The following SLC13A5 variants were observed in gnomAD, a reference collection of about 807,000 sequenced individuals.
SLC13A5 encodes the protein solute carrier family 13 member 5.
In SLC13A5, 25 loss-of-function variants were observed where a neutral mutation model predicts 56.5. That is an observed-to-expected ratio of 0.44 (90% CI 0.32 to 0.62). SLC13A5 has a LOEUF of 0.62. SLC13A5 is among the 20% of genes least tolerant of loss of function. The pLI is 0.04. For missense variants in SLC13A5, 649 were observed against 737.8 expected (o/e 0.88, Z 1.39); for synonymous variants, 307 against 301.5 (o/e 1.02, Z -0.19).
At chr17:6,702,416 A>C (rs1004547714) in intron 5 of SLC13A5, among the ~76,000 whole-genome samples, 10 of 152,134 alleles carry the variant, frequency 6.6e-5, no homozygotes, top group Non-Finnish European at 1.0e-4. Flanking sequence ...GGTTCACCTG[A>C]TACCTCACAA....
Position 6,693,131 on chromosome 17 carries a change from CAGGGG to C in SLC13A5, c.1183_1187del (p.Pro395AlafsTer26). Reference sequence around the variant, plus strand: ...TCTCCTGGGTTACCTTCCAATCCAGCAGGGGAGGGGGATAAAATGGAGTTTTCCTT... The same window carrying C: ...TCTCCTGGGTTACCTTCCAATCCAGCAGGGGGATAAAATGGAGTTTTCCTT... On this transcript the variant is annotated frameshift_variant, in exon 9 of 12. Transcript: ENST00000433363. LOFTEE classifies it high-confidence loss of function. 6.2e-7 allele frequency: 1 copy of C among 1,609,260 alleles called. No individual in the cohort carries two copies. Among genetic ancestry groups the C allele is most frequent in the Non-Finnish European group, 8.5e-7 (1 of 1,178,302 alleles).
chr17:6,703,937 C>G lies in SLC13A5; in HGVS notation c.488G>C (p.Ser163Thr). 1 of 1,606,266 alleles carries G rather than the reference C, an allele frequency of 6.2e-7. No individual in the cohort carries two copies. The highest frequency in any genetic ancestry group is 8.5e-7 in the Non-Finnish European group (1 of 1,175,520). Residue 163 changes from serine to threonine, a missense_variant, in exon 4 of 12, where the codon AGC (serine) becomes ACC (threonine). Transcript: ENST00000433363. ...CTCCAGGCCGGCCTCGGTGGCTGCG[C>G]TTGTGGCTTCCATCTGCTGCAATAT... Reference protein sequence around the residue: ...EAILQQMEATSAATEAGLELV... With the variant: ...EAILQQMEATTAATEAGLELV...
Position 6,687,643 on chromosome 17 carries a change from C to T in SLC13A5, c.1461G>A (p.Pro487=), listed in dbSNP as rs374067396. The change falls in exon 11 of 12, where the codon CCG becomes CCA. Residue 487 remains proline, a synonymous_variant. Coordinates refer to ENST00000433363, the MANE Select transcript of SLC13A5 (RefSeq NM_177550.5). The surrounding 1 kb of genome is among the most constrained non-coding windows in gnomAD (Gnocchi z 5.0). The part of the protein sequence containing the change: ...ASMSRSIGLN[P]LYIMLPCTLS... ...GGGTACAGGGCAGCATGATGTACAG[C>T]GGATTGAGGCCGATGGAGCGAGACT... 8.3e-5 allele frequency: 133 copies of T among 1,606,580 alleles called. No individual in the cohort carries two copies. The highest frequency in any genetic ancestry group is 1.6e-4 in the Middle Eastern group (1 of 6,064).
chr17:6,696,423 G>T lies in SLC13A5; in HGVS notation c.840-482C>A, dbSNP rs376386645. On this transcript the variant is annotated intron_variant, in intron 6 of 11. Transcript: ENST00000433363. Reference sequence around the variant, plus strand: ...CTAGTCAGGGGCAGAATGGGTCCTTGTGTTCCCTGGAGTTGGAGGTGCAGG... The same window carrying T: ...CTAGTCAGGGGCAGAATGGGTCCTTTTGTTCCCTGGAGTTGGAGGTGCAGG... Among the ~76,000 whole-genome samples the T allele has an allele frequency of 5.3e-5, 8 of 152,286 alleles. No individual in the cohort carries two copies. In the East Asian group the frequency reaches 7.7e-4, roughly 15 times the overall value.
In SLC13A5 at chr17:6,701,216, T is replaced by G. The variant is rs1973704695; in HGVS notation, c.717-90A>C. On this transcript the variant is annotated intron_variant, in intron 5 of 11. Transcript: ENST00000433363. The surrounding 1 kb of genome is among the most constrained non-coding windows in gnomAD (Gnocchi z 4.1). ...TGGGGACGGAGCAGCAGCTGGGCCCTGAGAGGCGCGCCTGTGTGGAGGCCA... is the reference window on the plus strand; with the variant it reads ...TGGGGACGGAGCAGCAGCTGGGCCCGGAGAGGCGCGCCTGTGTGGAGGCCA... 1 of 1,548,494 alleles carries G rather than the reference T, an allele frequency of 6.5e-7. No homozygotes were observed. Among genetic ancestry groups the G allele is most frequent in the Non-Finnish European group, 8.7e-7 (1 of 1,143,486 alleles).
In SLC13A5 at chr17:6,707,064, C is replaced by A; in HGVS notation, c.195G>T (p.Leu65Phe). The A allele has an allele frequency of 6.2e-7, 1 of 1,614,046 alleles. No individual in the cohort carries two copies. The highest frequency in any genetic ancestry group is 8.5e-7 in the Non-Finnish European group (1 of 1,180,018). ...CCAGAATCTGGAAGAGTGGGAAAAG[C>A]AAGACAGGCATGAGAGAGGTGACAG... ...PLAVTSLMPV[L>F]LFPLFQILDS... The change falls in exon 2 of 12, where the codon TTG (leucine) becomes TTT (phenylalanine). Residue 65 changes from leucine (L) to phenylalanine (F), a missense_variant. Leu to Phe is a conservative substitution (Grantham distance 22). Transcript: ENST00000433363.
In SLC13A5 at chr17:6,692,488, G is replaced by A. The variant is rs1350269218; in HGVS notation, c.1275+556C>T. On this transcript the variant is annotated intron_variant, in intron 9 of 11. Coordinates refer to ENST00000433363, the MANE Select transcript of SLC13A5 (RefSeq NM_177550.5). The surrounding 1 kb of genome is among the most constrained non-coding windows in gnomAD (Gnocchi z 5.5). ...TACTTGGGTAGGTAGATGGTTGGTTGGAGGACAGCAGCAGCAAGCTAGCTC... is the reference window on the plus strand; with the variant it reads ...TACTTGGGTAGGTAGATGGTTGGTTAGAGGACAGCAGCAGCAAGCTAGCTC... 6.6e-6 allele frequency among the ~76,000 whole-genome samples: 1 copy of A among 152,220 alleles called. No individual in the cohort carries two copies. The highest frequency in any genetic ancestry group is 2.4e-5 in the African/African-American group (1 of 41,456).
chr17:6,710,190 C>A (rs1238768035), intron 1 of SLC13A5, among the ~76,000 whole-genome samples: 4 of 152,184 alleles, frequency 2.6e-5, no homozygotes, highest in African/African-American at 9.7e-5. Flanking sequence ...CCTGGGCAGG[C>A]CATCAGAATG....
chr17:6,706,660 A>C lies in SLC13A5; in HGVS notation c.350T>G (p.Val117Gly), dbSNP rs1597676556. 1 of 1,613,546 alleles carries C rather than the reference A, an allele frequency of 6.2e-7. No homozygotes were observed. The highest frequency in any genetic ancestry group is 8.5e-7 in the Non-Finnish European group (1 of 1,179,858). ...KRIALRTLLW[V>G]GAKPARLMLG... ...TAATTACCGTGCAGGCTTGGCCCCC[A>C]CCCAGAGGAGCGTGCGCAGGGCGAT... The change falls in exon 3 of 12, where the codon GTG becomes GGG. Residue 117 changes from valine (V) to glycine (G), a missense_variant. By Grantham distance (109) the Val-to-Gly change is moderately radical. Transcript: ENST00000433363.
At chr17:6,705,719 A>T (rs938373395) in intron 3 of SLC13A5, among the ~76,000 whole-genome samples, 1 of 152,168 alleles carries the variant, frequency 6.6e-6, no homozygotes, top group Non-Finnish European at 1.5e-5. Context: ...AGCCCCTGAC[A>T]CAGGGGCGCC....
intron 6 of SLC13A5, among the ~76,000 whole-genome samples, chr17:6,698,032 C>A (rs1053880168): frequency 1.3e-5 from 2 of 152,244 alleles, no homozygotes; most frequent in Non-Finnish European, 2.9e-5. Context: ...AGGCAGGGAC[C>A]ACCAGGTCTT....
At chr17:6,694,443 C>T (rs574890579) in intron 7 of SLC13A5, among the ~76,000 whole-genome samples, 3 of 152,060 alleles carry the variant, frequency 2.0e-5, no homozygotes, top group Non-Finnish European at 4.4e-5. Context: ...ATAGTGAAAC[C>T]CCGTCTCTAC....
At chr17:6,686,613 G>C in intron 11 of SLC13A5, 1 of 386,110 alleles carries the variant, frequency 2.6e-6, no homozygotes, top group Non-Finnish European at 4.9e-6. Context: ...CAACAGCTTA[G>C]GCCATTCAGG....
In SLC13A5 at chr17:6,690,327, A is replaced by G. The variant is rs573031878; in HGVS notation, c.1437+452T>C. ...TTTCCTTGTGCTGCTCCATCTTCCC[A>G]GAATTCTCTCTCCCTTCCTACCTAC... On this transcript the variant is annotated intron_variant, in intron 10 of 11. Transcript: ENST00000433363. Among the ~76,000 whole-genome samples, 3 of 152,054 alleles carry G rather than the reference A, an allele frequency of 2.0e-5. No individual in the cohort carries two copies. In the East Asian group the frequency reaches 5.8e-4, roughly 30 times the overall value.
Position 6,713,181 on chromosome 17 carries a change from G to A in SLC13A5, c.102+51C>T, listed in dbSNP as rs201114617. The A allele has an allele frequency of 7.2e-5, 112 of 1,560,804 alleles. No individual in the cohort carries two copies. Among genetic ancestry groups the A allele is most frequent in the Middle Eastern group, 1.7e-4 (1 of 5,998 alleles). On this transcript the variant is annotated intron_variant, in intron 1 of 11. Transcript: ENST00000433363. The surrounding 1 kb of genome is among the most constrained non-coding windows in gnomAD (Gnocchi z 7.3). Reference sequence around the variant, plus strand: ...GGGCTCCCGGGATCGGTGCCCGTTAGTGGGCACAGGACGCCGGGTGTCCGA... The same window carrying A: ...GGGCTCCCGGGATCGGTGCCCGTTAATGGGCACAGGACGCCGGGTGTCCGA...
intron 1 of SLC13A5, among the ~76,000 whole-genome samples, chr17:6,710,580 CTATT>C (rs1973994191): frequency 1.3e-5 from 2 of 152,176 alleles, no homozygotes; most frequent in South Asian, 4.1e-4. Context: ...CTCCGCGCCA[CTATT>C]TAGAAGCCCA....
chr17:6,709,457 A>C (rs1597680876), intron 1 of SLC13A5, among the ~76,000 whole-genome samples: 1 of 152,078 alleles, frequency 6.6e-6, no homozygotes, highest in East Asian at 1.9e-4. Flanking sequence ...TTTAGTAGAG[A>C]GGGGATTTCA....
At chr17:6,699,262 G>A (rs186020549) in intron 6 of SLC13A5, among the ~76,000 whole-genome samples, 2 of 152,166 alleles carry the variant, frequency 1.3e-5, no homozygotes, top group East Asian at 3.9e-4. Flanking sequence ...TTCGACGGAT[G>A]TGAACAAATG....
At chr17:6,710,170 CG>C (rs1270757768) in intron 1 of SLC13A5, among the ~76,000 whole-genome samples, 2 of 152,192 alleles carry the variant, frequency 1.3e-5, no homozygotes, top group African/African-American at 4.8e-5. Context: ...GGCTTGGTGT[CG>C]GGGTGTACCC....
Sources: gnomAD v4.1 joint callset for allele counts (sites outside exome capture counted in the v4.1 genomes callset) on GRCh38, gnomAD v4.1.1 for gene constraint, Gnocchi (gnomAD v3.1) non-coding constraint, MANE v1.5 for transcripts, NCBI Gene and HGNC (gene_info 2026-07-23, HGNC 2026-07-21) for gene names.